TPM4: variants seen among roughly 807,000 people sequenced by gnomAD.
The protein encoded by TPM4 is tropomyosin 4, also known as tropomyosin alpha-4 chain.
In TPM4, 17 loss-of-function variants were observed where a neutral mutation model predicts 35.8. That is an observed-to-expected ratio of 0.47 (90% CI 0.32 to 0.71). The LOEUF (loss-of-function observed/expected upper bound fraction) is 0.71, where lower values mean the gene tolerates loss of function less well. TPM4 is among the 30% of genes least tolerant of loss of function. The probability of loss-of-function intolerance (pLI) is 0.03; values close to 1 mark genes in which losing one functional copy is unlikely to be tolerated. For synonymous variants in TPM4, 120 were observed against 122.9 expected (o/e 0.98, Z 0.15); for missense variants, 240 against 320.9 (o/e 0.75, Z 1.93).
At chr19:16,089,248 A>G in intron 5 of TPM4, 128 bp downstream of exon 5, 3 of 1,248,510 alleles carry the variant, frequency 2.4e-6, no homozygotes, top group Non-Finnish European at 3.4e-6. Flanking sequence ...GGTGCCTGGC[A>G]GCCAGGGTTT....
chr19:16,093,354 C>T (rs57946141), intron 5 of TPM4, among the ~76,000 whole-genome samples, 182 bp from the exon 6 acceptor site: 3,294 of 151,896 alleles, frequency 0.022, 125 homozygotes, highest in African/African-American at 0.077. Flanking sequence ...TGCCACCAAG[C>T]CTGGCTAATT....
chr19:16,080,483 G>A (rs1342475496), intron 1 of TPM4: 3 of 193,088 alleles, frequency 1.6e-5, no homozygotes, highest in African/African-American at 7.0e-5. Context: ...CCAGGATGAG[G>A]AAGCAACCTT....
At chr19:16,093,009 C>T (rs898722973) in intron 5 of TPM4, 1 of 163,788 alleles carries the variant, frequency 6.1e-6, no homozygotes, top group East Asian at 1.7e-4. Context: ...TGCTCACCAC[C>T]ATGACTGGCT....
intron 1 of TPM4, chr19:16,081,030 T>C (rs1326009078): frequency 2.3e-5 from 9 of 398,500 alleles, no homozygotes; most frequent in Admixed American, 8.8e-5. Context: ...CCAGGCGGAT[T>C]GAAGGATGGA....
At chr19:16,078,886 G>T (rs2090446779) in intron 1 of TPM4, among the ~76,000 whole-genome samples, 1 of 151,232 alleles carries the variant, frequency 6.6e-6, no homozygotes, top group Non-Finnish European at 1.5e-5. Context: ...GAGCCGGCGT[G>T]TGGTAGACTT....
intron 3 of TPM4, 74 bp downstream of exon 3, chr19:16,086,614 G>C: frequency 7.9e-7 from 1 of 1,271,086 alleles, no homozygotes; most frequent in Non-Finnish European, 1.1e-6. Context: ...GGAGGACACC[G>C]GGGCCAACGA....
chr19:16,073,476 C>T (rs2090374116), upstream of TPM4, among the ~76,000 whole-genome samples: 2 of 152,180 alleles, frequency 1.3e-5, no homozygotes, highest in Non-Finnish European at 2.9e-5. Context: ...GGTTTCTGTT[C>T]TGCAGATGGA....
rs141928215 is a variant in TPM4, at chr19:16,099,461, G to A, written c.665-1803G>A. On this transcript the variant is annotated intron_variant, in intron 7 of 7. Coordinates refer to ENST00000643579, the MANE Select transcript of TPM4 (RefSeq NM_003290.3). The stretch of plus-strand genomic sequence containing the variant: ...TGGCTGGGTGTAGTGGCACGCACTT[G>A]TAGTCCCAGCTACTTGGGAGGCTGA... Among the ~76,000 whole-genome samples, 951 of 152,128 alleles carry A rather than the reference G, an allele frequency of 6.3e-3. 5 individuals carry two copies. Among genetic ancestry groups the A allele is most frequent in the African/African-American group, 0.022 (920 of 41,526 alleles).
At chr19:16,093,890 C>A in intron 7 of TPM4, 137 bp downstream of exon 7, 3 of 779,378 alleles carry the variant, frequency 3.8e-6, no homozygotes, top group Admixed American at 2.4e-5. Context: ...ATAGTGATGT[C>A]ATATCTGGAT....
In TPM4 at chr19:16,088,095, A is replaced by C. The variant is rs932802105; in HGVS notation, c.453A>C (p.Glu151Asp). The change falls in exon 4 of 8, where the codon GAA becomes GAC. Residue 151 changes from glutamate (E) to aspartate (D), a missense_variant and splice_region_variant. Coordinates refer to ENST00000643579, the MANE Select transcript of TPM4 (RefSeq NM_003290.3). ...ERAEERAEVS[E>D]LKCGDLEEEL... is the part of the protein sequence containing the mutation. ...CAGAGGAGCGTGCGGAGGTGTCTGA[A>C]CTGTGAGTGGCAGAACAGGACTGAG... 1.2e-6 allele frequency: 2 copies of C among 1,610,958 alleles called. No individual in the cohort carries two copies. The highest frequency in any genetic ancestry group is 1.7e-5 in the Admixed American group (1 of 59,386).
At chr19:16,092,053 C>T (rs1302130300) in intron 5 of TPM4, among the ~76,000 whole-genome samples, 1 of 151,846 alleles carries the variant, frequency 6.6e-6, no homozygotes, top group Non-Finnish European at 1.5e-5. Context: ...CGCCTGTAGG[C>T]CCAGCTACTT....
intron 2 of TPM4, among the ~76,000 whole-genome samples, chr19:16,083,530 C>T (rs1056611030): frequency 1.3e-5 from 2 of 152,168 alleles, no homozygotes; most frequent in Non-Finnish European, 2.9e-5. Context: ...TCCTCGGTAG[C>T]CAGATCATTC....
At chr19:16,088,831 CG>C in intron 4 of TPM4, 1 of 1,341,280 alleles carries the variant, frequency 7.5e-7, no homozygotes. Flanking sequence ...ACTCTTCGGG[CG>C]CACCTCGCCT....
upstream of TPM4, chr19:16,075,691 T>G: frequency 5.1e-6 from 1 of 197,304 alleles, no homozygotes. Context: ...AGAATGAGAT[T>G]GCTTAACTCC....
chr19:16,087,567 ACT>A (rs887324121), intron 3 of TPM4, among the ~76,000 whole-genome samples: 2 of 150,656 alleles, frequency 1.3e-5, no homozygotes, highest in African/African-American at 4.9e-5. Context: ...ATGGAGCGAG[ACT>A]CTGTCTCAAA....
At chr19:16,072,652 C>G (rs1393589359), upstream of TPM4, among the ~76,000 whole-genome samples, 1 of 152,058 alleles carries the variant, frequency 6.6e-6, no homozygotes, top group African/African-American at 2.4e-5. Context: ...CATAGTGGCT[C>G]ACACCTGTAA....
At chr19:16,069,385 CTATTGG>C (rs2090329622) in intron 2 of TPM4, among the ~76,000 whole-genome samples, 7 of 149,850 alleles carry the variant, frequency 4.7e-5, no homozygotes, top group Non-Finnish European at 7.4e-5. Context: ...GTGTGTGTTT[CTATTGG>C]TGTGTGTGTA....
At chr19:16,081,805 G>A in intron 1 of TPM4, 108 bp from the exon 2 acceptor site, 2 of 1,378,272 alleles carry the variant, frequency 1.5e-6, no homozygotes, top group Non-Finnish European at 1.9e-6. Flanking sequence ...ACTCCTGGGT[G>A]GGCTTTGACG....
intron 4 of TPM4, chr19:16,088,645 C>T (rs956530459): frequency 5.8e-6 from 6 of 1,033,632 alleles, no homozygotes; most frequent in Non-Finnish European, 5.8e-6. Context: ...CACAAATCCA[C>T]TCCGGGCTTC....
Sources: gnomAD v4.1 joint callset for allele counts (sites outside exome capture counted in the v4.1 genomes callset) on GRCh38, gnomAD v4.1.1 for gene constraint, MANE v1.5 for transcripts, NCBI Gene and HGNC (gene_info 2026-07-23, HGNC 2026-07-21) for gene names.